Variants in PAK3 observed in about 807,000 individuals in gnomAD.
PAK3 encodes the protein p21 (RAC1) activated kinase 3.
A neutral mutation model predicts 41.0 loss-of-function variants in PAK3; 4 were observed. The observed-to-expected ratio is 0.10, with a 90% CI of 0.05 to 0.22. The LOEUF is 0.22. Ranked by LOEUF, PAK3 falls within the 10% of genes least tolerant of loss-of-function variation. The pLI, the probability that PAK3 is intolerant of heterozygous loss-of-function variation, is 1.00. For missense variants in PAK3, 205 were observed against 409.9 expected, an observed-to-expected ratio of 0.50 and a Z score of 4.32; for synonymous variants, 146 against 139.6, an observed-to-expected ratio of 1.05 and a Z score of -0.32.
chrX:111,214,435 A>C (rs1372238996), intron 16 of PAK3, among the ~76,000 whole-genome samples: 1 of 111,771 alleles, frequency 8.9e-6, no homozygotes, highest in Non-Finnish European at 1.9e-5. Context: ...TCCCCAAGTG[A>C]TTCTAATGTT....
At chrX:110,947,805 G>A (rs1330943575) in intron 1 of PAK3, among the ~76,000 whole-genome samples, 2 of 111,138 alleles carry the variant, frequency 1.8e-5, no homozygotes, top group African/African-American at 6.6e-5. Context: ...AGAGGCTGTC[G>A]GCATCTTGCT....
intron 1 of PAK3, among the ~76,000 whole-genome samples, chrX:110,986,356 A>T (rs779391163): frequency 9.0e-6 from 1 of 111,683 alleles, no homozygotes; most frequent in South Asian, 3.9e-4. Context: ...ACATGGGGGG[A>T]AGAGACAACT....
At chrX:111,125,501 A>G (rs943815293) in intron 5 of PAK3, among the ~76,000 whole-genome samples, 1 of 111,782 alleles carries the variant, frequency 8.9e-6, no homozygotes, top group Admixed American at 9.5e-5. Flanking sequence ...AAATACAGCA[A>G]TAAGAAACAG....
At chrX:111,024,353 T>C (rs1408025743) in intron 1 of PAK3, among the ~76,000 whole-genome samples, 1 of 111,718 alleles carries the variant, frequency 9.0e-6, no homozygotes, top group Non-Finnish European at 1.9e-5. Flanking sequence ...TTCTTTTTGC[T>C]TAGGATTGTC....
chrX:110,985,785 A>G (rs1334481377), intron 1 of PAK3, among the ~76,000 whole-genome samples: 2 of 112,376 alleles, frequency 1.8e-5, no homozygotes, highest in Non-Finnish European at 3.8e-5. Flanking sequence ...AATTATCCAC[A>G]TTTGATGATG....
chrX:111,202,978 T>C (rs1274986840), intron 16 of PAK3, among the ~76,000 whole-genome samples: 1 of 111,809 alleles, frequency 8.9e-6, no homozygotes, highest in Non-Finnish European at 1.9e-5. Flanking sequence ...CAATATGTAG[T>C]ATAGTATGTG....
intron 1 of PAK3, among the ~76,000 whole-genome samples, chrX:111,045,476 A>G (rs1052709506): frequency 8.0e-5 from 9 of 112,099 alleles, no homozygotes; most frequent in African/African-American, 2.9e-4. Flanking sequence ...AAGAGATTTC[A>G]CTAAGCTTGC....
intron 1 of PAK3, among the ~76,000 whole-genome samples, chrX:111,031,167 G>A (rs758507093): frequency 1.8e-5 from 2 of 112,096 alleles, no homozygotes; most frequent in Admixed American, 9.5e-5. Context: ...TGTTTGGGGA[G>A]GTCACAGTCT....
chrX:111,127,028 A>C (rs929220463), intron 5 of PAK3, among the ~76,000 whole-genome samples: 4 of 111,401 alleles, frequency 3.6e-5, no homozygotes, highest in African/African-American at 1.3e-4. Flanking sequence ...CCCAGAAGCA[A>C]TGTTAATATT....
chrX:111,063,919 C>T (rs1358541091), intron 1 of PAK3, among the ~76,000 whole-genome samples: 1 of 111,327 alleles, frequency 9.0e-6, no homozygotes, highest in Non-Finnish European at 1.9e-5. Flanking sequence ...ATGGATACCT[C>T]TACTGCTCAA....
chrX:111,006,732 A>C (rs990753730), intron 1 of PAK3, among the ~76,000 whole-genome samples: 3 of 111,157 alleles, frequency 2.7e-5, no homozygotes, highest in Non-Finnish European at 5.7e-5. Flanking sequence ...TTTAATGCTC[A>C]TACACATCTC....
rs548505334 is a variant in PAK3, at chrX:111,046,548, A to G, written c.-27-76529A>G. 4.5e-5 allele frequency among the ~76,000 whole-genome samples: 5 copies of G among 111,803 alleles called. No individual in the cohort carries two copies. In the East Asian group the frequency reaches 1.4e-3, roughly 32 times the overall value. On this transcript the variant is annotated intron_variant, in intron 1 of 14. Coordinates refer to the PAK3 transcript ENST00000425146. ...ATAATGTCATGTGAGGCAATATAGA[A>G]TAGTAGTTAAGAACCAGACTACAGA...
intron 16 of PAK3, among the ~76,000 whole-genome samples, chrX:111,208,547 A>T (rs2094781246): frequency 8.9e-6 from 1 of 111,922 alleles, no homozygotes; most frequent in Admixed American, 9.4e-5. Flanking sequence ...CAAAGACTTA[A>T]ACACACTGCA....
intron 16 of PAK3, among the ~76,000 whole-genome samples, chrX:111,199,699 T>C (rs1224991405): frequency 9.0e-6 from 1 of 111,679 alleles, no homozygotes; most frequent in Non-Finnish European, 1.9e-5. Context: ...CTTAATTAGA[T>C]TGTCAAGTAG....
chrX:111,037,191 C>G (rs748484325), intron 1 of PAK3, among the ~76,000 whole-genome samples: 1 of 111,945 alleles, frequency 8.9e-6, no homozygotes, highest in East Asian at 2.8e-4. Flanking sequence ...GTGATCTGCT[C>G]ACCTCAGCCT....
At chrX:110,960,912 C>T (rs778304691) in intron 1 of PAK3, among the ~76,000 whole-genome samples, 6 of 111,731 alleles carry the variant, frequency 5.4e-5, no homozygotes, top group African/African-American at 2.0e-4. Flanking sequence ...CAGTGGTCTT[C>T]GTGGATGTTA....
chrX:111,096,419 A>G lies in PAK3; in HGVS notation c.-353+4A>G, dbSNP rs2092984083. 9.0e-6 allele frequency: 1 copy of G among 111,097 alleles called. No homozygotes were observed. Among genetic ancestry groups the G allele is most frequent in the Admixed American group, 9.4e-5 (1 of 10,595 alleles). The allele number at this position is 111,097 out of a possible 1,213,427, so 9.2% of individuals were successfully genotyped here. ...GGGGTGGCTGGATCCGTGGCAGGTA[A>G]ATCCCGCGACTAACTGCACCCGGGC... On this transcript the variant is annotated splice_donor_region_variant and intron_variant, in intron 1 of 17. Coordinates refer to ENST00000372007, the MANE Select transcript of PAK3 (RefSeq NM_002578.5).
intron 1 of PAK3, among the ~76,000 whole-genome samples, chrX:111,000,799 G>T (rs376019937): frequency 2.7e-5 from 3 of 112,055 alleles, no homozygotes; most frequent in Non-Finnish European, 5.6e-5. Context: ...CTGCCCTCCT[G>T]GGGCTTAAGT....
chrX:111,210,053 T>C (rs1247598583), intron 16 of PAK3, among the ~76,000 whole-genome samples: 1 of 112,006 alleles, frequency 8.9e-6, no homozygotes, highest in Non-Finnish European at 1.9e-5. Context: ...TATTTAGAGT[T>C]ATTATGAAGA....
Sources: gnomAD v4.1 joint callset for allele counts (sites outside exome capture counted in the v4.1 genomes callset) on GRCh38, gnomAD v4.1.1 for gene constraint, MANE v1.5 for transcripts, NCBI Gene and HGNC (gene_info 2026-07-23, HGNC 2026-07-21) for gene names.